ATP6V1B2: variants seen among roughly 807,000 people sequenced by gnomAD.
ATP6V1B2 encodes ATPase H+ transporting V1 subunit B2, also known as V-type proton ATPase subunit B, brain isoform.
A neutral mutation model predicts 66.7 loss-of-function variants in ATP6V1B2; 23 were observed. That is an observed-to-expected ratio of 0.34 (90% CI 0.25 to 0.49). The LOEUF (loss-of-function observed/expected upper bound fraction) is 0.49. Ranked by LOEUF, ATP6V1B2 falls within the 20% of genes least tolerant of loss-of-function variation. ATP6V1B2 has a pLI of 0.99. For missense variants in ATP6V1B2, 478 were observed against 650.8 expected (o/e 0.73, Z 2.89); for synonymous variants, 278 against 236.7 (o/e 1.17, Z -1.60).
intron 8 of ATP6V1B2, 138 bp from the exon 9 acceptor site, chr8:20,212,644 T>C: frequency 7.9e-7 from 1 of 1,267,442 alleles, no homozygotes; most frequent in Admixed American, 2.6e-5. Context: ...ATTTGTAAAA[T>C]AACAACTGCT....
intron 5 of ATP6V1B2, 142 bp from the exon 6 acceptor site, chr8:20,211,035 A>G: frequency 9.0e-7 from 1 of 1,112,418 alleles, no homozygotes; most frequent in Middle Eastern, 2.4e-4. Flanking sequence ...AAAATAACTG[A>G]TTTTTTTTGT....
At chr8:20,213,006 C>A in intron 9 of ATP6V1B2, 101 bp downstream of exon 9, 1 of 1,478,700 alleles carries the variant, frequency 6.8e-7, no homozygotes. Flanking sequence ...TTTTTAATTC[C>A]ACTGTTCATA....
rs953413303 is a variant in ATP6V1B2, at chr8:20,221,210, A to T, written c.*808A>T. Reference sequence around the variant, plus strand: ...AAAGAAAAACCTACAGCCTTTCTACATTCTGACATGCTAACAGTGGTTTAA... The same window carrying T: ...AAAGAAAAACCTACAGCCTTTCTACTTTCTGACATGCTAACAGTGGTTTAA... On this transcript the variant is annotated 3_prime_UTR_variant, in exon 14 of 14. Transcript: ENST00000276390. 1 of 152,220 alleles carries T rather than the reference A, an allele frequency of 6.6e-6. No individual in the cohort carries two copies. The highest frequency in any genetic ancestry group is 1.5e-5 in the Non-Finnish European group (1 of 68,036). The allele number at this position is 152,220 out of a possible 1,614,324, so 9.4% of individuals were successfully genotyped here.
At chr8:20,197,579 T>C in intron 1 of ATP6V1B2, 37 bp downstream of exon 1, 1 of 1,340,194 alleles carries the variant, frequency 7.5e-7, no homozygotes. Context: ...CGGTCTTTGC[T>C]CCCTAGCCTA....
At chr8:20,216,284 A>G (rs2072853579) in intron 10 of ATP6V1B2, 129 bp from the exon 11 acceptor site, 5 of 695,602 alleles carry the variant, frequency 7.2e-6, no homozygotes, top group Non-Finnish European at 9.8e-6. Context: ...TGACTCTAAG[A>G]ACACTCTTCT....
chr8:20,207,390 A>G (rs2072749277), intron 2 of ATP6V1B2, among the ~76,000 whole-genome samples: 1 of 152,190 alleles, frequency 6.6e-6, no homozygotes, highest in Non-Finnish European at 1.5e-5. Flanking sequence ...AATGAGAAAT[A>G]TAAAATTAGT....
chr8:20,218,645 C>G (rs565601265), intron 13 of ATP6V1B2, among the ~76,000 whole-genome samples: 25 of 152,270 alleles, frequency 1.6e-4, no homozygotes, highest in African/African-American at 5.8e-4. Context: ...CCTGATTCAT[C>G]TATATTCATC....
intron 13 of ATP6V1B2, among the ~76,000 whole-genome samples, chr8:20,219,143 TG>T (rs1351499999): frequency 1.3e-5 from 2 of 152,228 alleles, no homozygotes; most frequent in African/African-American, 4.8e-5. Flanking sequence ...TTGAATCAGC[TG>T]GAGATCTTGT....
intron 3 of ATP6V1B2, 103 bp downstream of exon 3, chr8:20,209,634 C>A: frequency 9.0e-7 from 1 of 1,112,592 alleles, no homozygotes; most frequent in Non-Finnish European, 1.3e-6. Context: ...TTTTTAGAGT[C>A]TTTAGAGATT....
intron 8 of ATP6V1B2, 41 bp from the exon 9 acceptor site, chr8:20,212,741 C>T (rs1345204321): frequency 6.3e-7 from 1 of 1,588,710 alleles, no homozygotes; most frequent in Non-Finnish European, 8.5e-7. Context: ...TCTTTTTGGT[C>T]TTTTGGTTTG....
intron 2 of ATP6V1B2, among the ~76,000 whole-genome samples, chr8:20,207,551 C>G (rs2072751348): frequency 6.6e-6 from 1 of 151,432 alleles, no homozygotes; most frequent in Non-Finnish European, 1.5e-5. Context: ...GCGCATGTAC[C>G]CTAAAACTTA....
intron 1 of ATP6V1B2, among the ~76,000 whole-genome samples, chr8:20,201,267 C>A (rs1367941825): frequency 6.6e-6 from 1 of 152,104 alleles, no homozygotes; most frequent in African/African-American, 2.4e-5. Flanking sequence ...GAGGAGTGGT[C>A]AATATGTAGG....
chr8:20,201,341 T>C (rs922773369), intron 1 of ATP6V1B2, among the ~76,000 whole-genome samples: 1 of 152,222 alleles, frequency 6.6e-6, no homozygotes. Context: ...CAACTTAATG[T>C]CTTTGACAGC....
chr8:20,210,317 C>T, intron 3 of ATP6V1B2, 29 bp from the exon 4 acceptor site: 1 of 1,570,608 alleles, frequency 6.4e-7, no homozygotes, highest in Non-Finnish European at 8.7e-7. Flanking sequence ...ATTACTTCTA[C>T]CCTTCTCATT....
At chr8:20,212,562 C>T (rs1403038284) in intron 8 of ATP6V1B2, among the ~76,000 whole-genome samples, 2 of 152,160 alleles carry the variant, frequency 1.3e-5, no homozygotes, top group African/African-American at 4.8e-5. Flanking sequence ...CCTGCCCCAC[C>T]CCAGTGTTGA....
chr8:20,211,564 A>G, intron 6 of ATP6V1B2, 88 bp from the exon 7 acceptor site: 2 of 1,417,788 alleles, frequency 1.4e-6, no homozygotes, highest in South Asian at 2.6e-5. Flanking sequence ...GTTTATGATT[A>G]CGATTCCAAA....
chr8:20,212,012 G>A (rs1243929403), intron 7 of ATP6V1B2, 90 bp from the exon 8 acceptor site: 4 of 1,264,262 alleles, frequency 3.2e-6, no homozygotes, highest in Non-Finnish European at 4.4e-6. Context: ...TTAAAAGAAG[G>A]AACAATTCAA....
At chr8:20,213,036 T>C in intron 9 of ATP6V1B2, 131 bp downstream of exon 9, 1 of 1,278,556 alleles carries the variant, frequency 7.8e-7, no homozygotes, top group Non-Finnish European at 1.1e-6. Context: ...AATGCCTTAA[T>C]AAATCAGAAA....
At chr8:20,198,464 C>G (rs1423289590) in intron 1 of ATP6V1B2, among the ~76,000 whole-genome samples, 1 of 152,168 alleles carries the variant, frequency 6.6e-6, no homozygotes, top group East Asian at 1.9e-4. Context: ...CTCAGCAATT[C>G]CAAAAGAAAT....
Sources: gnomAD v4.1 joint callset for allele counts (sites outside exome capture counted in the v4.1 genomes callset) on GRCh38, gnomAD v4.1.1 for gene constraint, MANE v1.5 for transcripts, NCBI Gene and HGNC (gene_info 2026-07-23, HGNC 2026-07-21) for gene names.